The following SLC16A2 variants were observed in gnomAD, a reference collection of about 807,000 sequenced individuals.
SLC16A2 encodes solute carrier family 16 member 2.
Under a neutral mutation model 27.2 loss-of-function variants are expected in SLC16A2, and 3 were observed. That is an observed-to-expected ratio of 0.11 (90% CI 0.05 to 0.28). The LOEUF (loss-of-function observed/expected upper bound fraction) is 0.28, where lower values mean the gene tolerates loss of function less well. Ranked by LOEUF, SLC16A2 falls within the 10% of genes least tolerant of loss-of-function variation. The pLI, the probability that SLC16A2 is intolerant of heterozygous loss-of-function variation, is 1.00. For missense variants in SLC16A2, 295 were observed against 458.5 expected (o/e 0.64, Z 3.26); for synonymous variants, 202 against 187.8 (o/e 1.08, Z -0.62).
At chrX:74,486,978 C>T (rs900751559) in intron 1 of SLC16A2, among the ~76,000 whole-genome samples, 1 of 111,720 alleles carries the variant, frequency 9.0e-6, no homozygotes, top group Non-Finnish European at 1.9e-5. Flanking sequence ...AGCAAACTAT[C>T]GAAAGGATTA....
chrX:74,476,013 T>G (rs1018527513), intron 1 of SLC16A2, among the ~76,000 whole-genome samples: 1 of 111,492 alleles, frequency 9.0e-6, no homozygotes, highest in East Asian at 2.8e-4. Context: ...TCCAATTCTG[T>G]GAAGAAAGTC....
Position 74,531,490 on chromosome X carries a change from C to T in SLC16A2, c.1557C>T (p.Ala519=). ...QRDSSKDKML[A]PDPDPNGELL... is the part of the protein sequence containing the mutation. ...ATTCCAGCAAGGATAAGATGTTGGC[C>T]CCTGACCCAGACCCCAATGGGGAGC... Residue 519 remains alanine, a synonymous_variant, in exon 6 of 6, where the codon GCC becomes GCT. Coordinates refer to ENST00000587091, the MANE Select transcript of SLC16A2 (RefSeq NM_006517.5). 1 of 1,211,236 alleles carries T rather than the reference C, an allele frequency of 8.3e-7. No individual in the cohort carries two copies. Among genetic ancestry groups the T allele is most frequent in the East Asian group, 3.0e-5 (1 of 33,845 alleles).
intron 1 of SLC16A2, among the ~76,000 whole-genome samples, chrX:74,479,433 C>A (rs1257014421): frequency 8.9e-6 from 1 of 111,810 alleles, no homozygotes; most frequent in Non-Finnish European, 1.9e-5. Flanking sequence ...GTTTGAACTT[C>A]CTCCTTTAGC....
chrX:74,493,089 T>A (rs971277028), intron 1 of SLC16A2, among the ~76,000 whole-genome samples: 6 of 112,003 alleles, frequency 5.4e-5, no homozygotes, highest in Non-Finnish European at 1.1e-4. Context: ...GGAGCCCCTC[T>A]GAATCCCACC....
intron 5 of SLC16A2, among the ~76,000 whole-genome samples, chrX:74,530,933 T>G (rs1930557877): frequency 9.2e-6 from 1 of 109,215 alleles, no homozygotes; most frequent in Non-Finnish European, 1.9e-5. Context: ...AAATAAAAAC[T>G]CATCTGAAAT....
At chrX:74,492,960 A>C (rs1929859397) in intron 1 of SLC16A2, among the ~76,000 whole-genome samples, 1 of 111,994 alleles carries the variant, frequency 8.9e-6, no homozygotes, top group Non-Finnish European at 1.9e-5. Flanking sequence ...GCTCAGCTAT[A>C]GACAGCTGGC....
At chrX:74,450,289 T>A (rs1233122078) in intron 1 of SLC16A2, among the ~76,000 whole-genome samples, 1 of 112,191 alleles carries the variant, frequency 8.9e-6, no homozygotes, top group Non-Finnish European at 1.9e-5. Flanking sequence ...GCCGAACAGA[T>A]GAAGACTAAA....
At chrX:74,529,493 G>C in intron 5 of SLC16A2, 52 bp downstream of exon 5, 1 of 933,553 alleles carries the variant, frequency 1.1e-6, no homozygotes, top group East Asian at 3.4e-5. Context: ...TTTTTTCCCT[G>C]GGTACTGGCA....
At chrX:74,501,656 G>C (rs1308145145) in intron 1 of SLC16A2, among the ~76,000 whole-genome samples, 1 of 111,145 alleles carries the variant, frequency 9.0e-6, no homozygotes, top group Non-Finnish European at 1.9e-5. Context: ...ACCAGCTGCT[G>C]GCCCACCGCA....
chrX:74,439,186 TTTTCTTTC>T (rs80044741), intron 1 of SLC16A2, among the ~76,000 whole-genome samples: 1 of 51,490 alleles, frequency 1.9e-5, no homozygotes, highest in Non-Finnish European at 3.1e-5. Flanking sequence ...CTTTCTTTCT[TTTTCTTTC>T]TTTCTTTCTT....
At chrX:74,501,426 G>A (rs1030172416) in intron 1 of SLC16A2, among the ~76,000 whole-genome samples, 3 of 111,685 alleles carry the variant, frequency 2.7e-5, no homozygotes, top group East Asian at 5.6e-4. Flanking sequence ...GGAGGGCAGA[G>A]GGCTTACAAT....
At chrX:74,481,492 T>C (rs759001405) in intron 1 of SLC16A2, among the ~76,000 whole-genome samples, 1 of 111,482 alleles carries the variant, frequency 9.0e-6, no homozygotes, top group Non-Finnish European at 1.9e-5. Context: ...TTTAATAGCA[T>C]ACAACTGTTC....
chrX:74,464,300 A>G (rs1306538461), intron 1 of SLC16A2, among the ~76,000 whole-genome samples: 1 of 112,292 alleles, frequency 8.9e-6, no homozygotes, highest in Non-Finnish European at 1.9e-5. Context: ...CATTTTCAAA[A>G]TGTTTCCAGC....
chrX:74,495,737 C>T (rs948289234), intron 1 of SLC16A2, among the ~76,000 whole-genome samples: 1 of 111,100 alleles, frequency 9.0e-6, no homozygotes, highest in Non-Finnish European at 1.9e-5. Flanking sequence ...GGTTTCTGGT[C>T]TTAATTACCT....
intron 1 of SLC16A2, chrX:74,473,463 T>C (rs763365089): frequency 1.8e-6 from 1 of 542,531 alleles, no homozygotes; most frequent in African/African-American, 2.3e-5. Context: ...TGAATGACAG[T>C]CTTATCCATG....
chrX:74,522,054 G>A (rs73494896), intron 2 of SLC16A2, among the ~76,000 whole-genome samples: 1 of 112,211 alleles, frequency 8.9e-6, no homozygotes, highest in African/African-American at 3.2e-5. Context: ...CACTTTGGAA[G>A]TTATGGTACC....
At chrX:74,470,218 C>T (rs1465855893) in intron 1 of SLC16A2, among the ~76,000 whole-genome samples, 4 of 112,162 alleles carry the variant, frequency 3.6e-5, no homozygotes, top group South Asian at 3.7e-4. Context: ...ATTCACCTAC[C>T]GAAGGAAATC....
chrX:74,473,270 C>T (rs1929394674), intron 1 of SLC16A2: 1 of 639,966 alleles, frequency 1.6e-6, no homozygotes, highest in Non-Finnish European at 2.6e-6. Context: ...TAACCACCAC[C>T]ACCATGACTG....
chrX:74,470,029 T>A (rs1929325814), intron 1 of SLC16A2, among the ~76,000 whole-genome samples: 1 of 111,785 alleles, frequency 8.9e-6, no homozygotes, highest in Non-Finnish European at 1.9e-5. Flanking sequence ...GTCTCCATAG[T>A]TTTGCTTTTT....
Sources: gnomAD v4.1 joint callset for allele counts (sites outside exome capture counted in the v4.1 genomes callset) on GRCh38, gnomAD v4.1.1 for gene constraint, MANE v1.5 for transcripts, NCBI Gene and HGNC (gene_info 2026-07-23, HGNC 2026-07-21) for gene names.